Variants in TRAP1 observed in about 807,000 individuals in gnomAD.
TRAP1 encodes heat shock protein 75 kDa, mitochondrial.
In TRAP1, 102 loss-of-function variants were observed where a neutral mutation model predicts 89.1. The ratio of observed to expected loss-of-function variants is 1.15; its 90% CI spans 0.98 to 1.35. TRAP1 has a LOEUF of 1.35. Ranked by LOEUF, TRAP1 falls within the 40% of genes most tolerant of loss-of-function variation. TRAP1 has a pLI of 0.00. For missense variants in TRAP1, 1,256 were observed against 945.3 expected, an observed-to-expected ratio of 1.33 and a Z score of -4.31; for synonymous variants, 508 against 388.0, an observed-to-expected ratio of 1.31 and a Z score of -3.64.
chr16:3,699,615 G>C (rs537284335), intron 1 of TRAP1, among the ~76,000 whole-genome samples: 1 of 127,036 alleles, frequency 7.9e-6, no homozygotes, highest in African/African-American at 3.1e-5. Context: ...GGTGACAAGA[G>C]TGAAACTCCG....
intron 11 of TRAP1, among the ~76,000 whole-genome samples, chr16:3,669,015 T>A (rs1258144975): frequency 6.6e-6 from 1 of 152,208 alleles, no homozygotes; most frequent in Non-Finnish European, 1.5e-5. Context: ...AGACGTGTCC[T>A]CAGTTCAGTG....
rs201753276 is a variant in TRAP1 at position 3,676,038 on chromosome 16, C to G, written c.812G>C (p.Arg271Pro). ...CKEFSSEARV[R>P]DVVTKYSNFV... The stretch of plus-strand genomic sequence containing the variant: ...CCTGGGCCCGGGCTCCCGCTCACCT[C>G]GCACCCGGGCCTCGCTGGAAAACTC... The change falls in exon 7 of 18, where the codon CGA (arginine) becomes CCA (proline). Residue 271 changes from arginine (R) to proline (P), a missense_variant and splice_region_variant. Coordinates refer to ENST00000246957, the MANE Select transcript of TRAP1 (RefSeq NM_016292.3). 1.6e-5 allele frequency: 26 copies of G among 1,612,410 alleles called. No homozygotes were observed. The highest frequency in any genetic ancestry group is 3.4e-4 in the Middle Eastern group (2 of 5,900).
In TRAP1 at chr16:3,662,882, C is replaced by T. The variant is rs766679569; in HGVS notation, c.1794G>A (p.Lys598=). ...NVLGSRVTNV[K]VTLRLDTHPA... ...TGGTCCATCCCCGGGAAAGCCTCAC[C>T]TTCACGTTGGTGACACGCGACCCCA... The change falls in exon 15 of 18, where the codon AAG becomes AAA. Residue 598 remains lysine (K), a splice_region_variant and synonymous_variant. Transcript: ENST00000246957. 6.8e-6 allele frequency: 11 copies of T among 1,613,622 alleles called. No homozygotes were observed. The highest frequency in any genetic ancestry group is 9.3e-6 in the Non-Finnish European group (11 of 1,179,962).
chr16:3,669,687 A>G (rs1329513024), intron 11 of TRAP1, among the ~76,000 whole-genome samples: 1 of 151,830 alleles, frequency 6.6e-6, no homozygotes, highest in East Asian at 1.9e-4. Context: ...ACAAAAAATT[A>G]GCTGGGCGTG....
chr16:3,705,097 C>T (rs908853561), intron 1 of TRAP1, among the ~76,000 whole-genome samples: 5 of 152,118 alleles, frequency 3.3e-5, no homozygotes, highest in African/African-American at 1.2e-4. Flanking sequence ...CGGAGTCTCG[C>T]TCTGTCGCCC....
chr16:3,676,739 G>A (rs748748478), intron 6 of TRAP1: 1 of 152,462 alleles, frequency 6.6e-6, no homozygotes, highest in African/African-American at 2.4e-5. Context: ...CGCCTCGGCT[G>A]GCTGGAAGCG....
intron 7 of TRAP1, 59 bp downstream of exon 7, chr16:3,675,977 G>A (rs2050986890): frequency 2.1e-6 from 3 of 1,418,542 alleles, no homozygotes; most frequent in Non-Finnish European, 2.0e-6. Context: ...CTGCTGACCT[G>A]GTGGCCTCCA....
intron 11 of TRAP1, among the ~76,000 whole-genome samples, chr16:3,668,238 T>A (rs1260240105): frequency 6.6e-6 from 1 of 151,788 alleles, no homozygotes; most frequent in Non-Finnish European, 1.5e-5. Flanking sequence ...TTCTATTTTT[T>A]AAGTAGAGAC....
intron 1 of TRAP1, among the ~76,000 whole-genome samples, chr16:3,691,951 C>T (rs756854405): frequency 3.3e-5 from 5 of 152,126 alleles, no homozygotes; most frequent in Non-Finnish European, 5.9e-5. Flanking sequence ...CCCAGCCGCA[C>T]GCAGTTCACC....
At chr16:3,698,204 A>C (rs1388166653) in intron 1 of TRAP1, among the ~76,000 whole-genome samples, 5 of 152,092 alleles carry the variant, frequency 3.3e-5, no homozygotes, top group African/African-American at 1.2e-4. Flanking sequence ...AGAAATCTAT[A>C]TTTCCAGCCA....
intron 4 of TRAP1, 30 bp downstream of exon 4, chr16:3,685,966 T>G (rs1042618101): frequency 5.6e-6 from 9 of 1,605,740 alleles, no homozygotes; most frequent in Non-Finnish European, 7.7e-6. Flanking sequence ...TGGCCGGGCC[T>G]GCCACACGCC....
At chr16:3,714,528 A>G (rs2051572275) in intron 1 of TRAP1, among the ~76,000 whole-genome samples, 1 of 152,152 alleles carries the variant, frequency 6.6e-6, no homozygotes, top group Non-Finnish European at 1.5e-5. Context: ...GTGTGGTGGC[A>G]TGCGCCTGTA....
chr16:3,716,438 TA>T (rs1170677813), intron 1 of TRAP1, among the ~76,000 whole-genome samples: 27 of 152,298 alleles, frequency 1.8e-4, no homozygotes, highest in African/African-American at 6.5e-4. Flanking sequence ...AAACCTGAAA[TA>T]ACCTTTATTG....
intron 4 of TRAP1, among the ~76,000 whole-genome samples, chr16:3,680,863 C>G: frequency 6.6e-6 from 1 of 152,198 alleles, no homozygotes; most frequent in African/African-American, 2.4e-5. Context: ...AGTCAAAGGG[C>G]CCTCGCCAGA....
intron 4 of TRAP1, among the ~76,000 whole-genome samples, chr16:3,684,725 G>A (rs528804864): frequency 2.0e-5 from 3 of 152,056 alleles, no homozygotes; most frequent in Non-Finnish European, 4.4e-5. Context: ...GGGAGGCGGA[G>A]GCTGCAGTGA....
chr16:3,671,753 G>A lies in TRAP1; in HGVS notation c.1204C>T (p.Arg402Trp), dbSNP rs768200676. ...DSEDIPLNLS[R>W]ELLQESALIR... ...AGTGCGCTCTCCTGCAGCAGCTCCC[G>A]GCTGAGGTTCAGGGGAATGTCCTCA... is the stretch of plus-strand genomic sequence containing the variant. Residue 402 changes from arginine (R) to tryptophan (W), a missense_variant, in exon 11 of 18, where the codon CGG becomes TGG. Transcript: ENST00000246957. The A allele has an allele frequency of 1.3e-5, 21 of 1,613,072 alleles. No homozygotes were observed. The highest frequency in any genetic ancestry group is 1.2e-4 in the Admixed American group (7 of 59,992).
chr16:3,693,363 C>A (rs1206081035), intron 1 of TRAP1, among the ~76,000 whole-genome samples: 1 of 151,350 alleles, frequency 6.6e-6, no homozygotes, highest in Non-Finnish European at 1.5e-5. Flanking sequence ...CATGTAATTG[C>A]ATTGTTCACT....
At chr16:3,673,177 G>T (rs984953589) in intron 9 of TRAP1, among the ~76,000 whole-genome samples, 2 of 152,220 alleles carry the variant, frequency 1.3e-5, no homozygotes, top group African/African-American at 4.8e-5. Context: ...CTACCTCTGT[G>T]TAGCCTAAGA....
chr16:3,670,746 A>G (rs891136433), intron 11 of TRAP1, among the ~76,000 whole-genome samples: 2 of 152,182 alleles, frequency 1.3e-5, no homozygotes, highest in Non-Finnish European at 2.9e-5. Flanking sequence ...TTGAAAAAAG[A>G]AAAAAATCTC....
Sources: allele counts gnomAD v4.1 joint callset (sites outside exome capture counted in the v4.1 genomes callset), GRCh38; gene constraint gnomAD v4.1.1; transcripts MANE v1.5; gene names NCBI Gene and HGNC (gene_info 2026-07-23, HGNC 2026-07-21).